SOCS6: variants seen among roughly 807,000 people sequenced by gnomAD.
SOCS6 encodes suppressor of cytokine signaling 6, also known as STAT induced STAT inhibitor-4.
Under a neutral mutation model 27.7 loss-of-function variants are expected in SOCS6, and 5 were observed. The ratio of observed to expected loss-of-function variants is 0.18; its 90% confidence interval spans 0.09 to 0.38. The LOEUF (loss-of-function observed/expected upper bound fraction) is 0.38, where lower values mean the gene tolerates loss of function less well. Ranked by LOEUF, SOCS6 falls within the 10% of genes least tolerant of loss-of-function variation. The probability of loss-of-function intolerance (pLI) is 1.00; values close to 1 mark genes in which losing one functional copy is unlikely to be tolerated. For synonymous variants in SOCS6, 271 were observed against 260.0 expected, an observed-to-expected ratio of 1.04 and a Z score of -0.41; for missense variants, 595 against 688.1, an observed-to-expected ratio of 0.86 and a Z score of 1.51.
At position 70,324,980 on chromosome 18, in the gene SOCS6, C is replaced by T; in HGVS notation, c.312C>T (p.Phe104=). The change falls in exon 2 of 2, where the codon TTC becomes TTT. Residue 104 remains phenylalanine, a synonymous_variant. Transcript: ENST00000397942. ...GGAGCTCTGCCGACGAGGACACCTTCTCCTCCTCCTCAGCACCCATAGTCT... is the reference window on the plus strand; with the variant it reads ...GGAGCTCTGCCGACGAGGACACCTTTTCCTCCTCCTCAGCACCCATAGTCT... ...PSGSSADEDT[F]SSSSAPIVFK... 5.6e-6 allele frequency: 9 copies of T among 1,613,668 alleles called. No homozygotes were observed. Among genetic ancestry groups the T allele is most frequent in the Non-Finnish European group, 7.6e-6 (9 of 1,179,742 alleles).
chr18:70,316,142 G>A (rs1200235576), intron 1 of SOCS6, among the ~76,000 whole-genome samples: 3 of 152,202 alleles, frequency 2.0e-5, no homozygotes, highest in Non-Finnish European at 2.9e-5. Context: ...GAGCCACCTC[G>A]CCCGGCTGAT....
At chr18:70,294,740 A>G (rs932415008) in intron 1 of SOCS6, among the ~76,000 whole-genome samples, 1 of 152,188 alleles carries the variant, frequency 6.6e-6, no homozygotes, top group Admixed American at 6.5e-5. Flanking sequence ...GTTAGCAGCA[A>G]TTGCCTGACC....
At position 70,321,486 on chromosome 18, in the gene SOCS6, A is replaced by ATTTTTTTT. The variant is rs765150837; in HGVS notation, c.-126-3045_-126-3038dup. Among the ~76,000 whole-genome samples the ATTTTTTTT allele has an allele frequency of 5.1e-4, 58 of 112,630 alleles. 1 individual carries two copies. Among genetic ancestry groups the ATTTTTTTT allele is most frequent in the African/African-American group, 1.8e-3 (50 of 28,106 alleles). The allele number at this position is 112,630 out of a possible 152,430, so 73.9% of individuals were successfully genotyped here. ...CAGGCACACGCCACCATGCCTGGCT[A>ATTTTTTTT]TTTTTTTTTTTTTTTTTTTGTATTT... On this transcript the variant is annotated intron_variant, in intron 1 of 1. Coordinates refer to ENST00000397942, the MANE Select transcript of SOCS6 (RefSeq NM_004232.4).
At chr18:70,323,414 G>A (rs1353193598) in intron 1 of SOCS6, among the ~76,000 whole-genome samples, 1 of 152,032 alleles carries the variant, frequency 6.6e-6, no homozygotes, top group Non-Finnish European at 1.5e-5. Context: ...TTTCAGTGTA[G>A]AACAATGTAC....
chr18:70,321,637 TTTA>T (rs1490768166), intron 1 of SOCS6, among the ~76,000 whole-genome samples: 1 of 151,854 alleles, frequency 6.6e-6, no homozygotes, highest in Non-Finnish European at 1.5e-5. Context: ...GCCTCTCGGT[TTTA>T]TTTTCTAGTA....
intron 1 of SOCS6, among the ~76,000 whole-genome samples, chr18:70,305,165 G>A (rs929145474): frequency 5.3e-5 from 8 of 151,748 alleles, no homozygotes; most frequent in Non-Finnish European, 1.0e-4. Context: ...CCGAGATCGC[G>A]CCACTGCACT....
At chr18:70,292,263 G>A (rs2062303041) in intron 1 of SOCS6, among the ~76,000 whole-genome samples, 1 of 152,214 alleles carries the variant, frequency 6.6e-6, no homozygotes, top group African/African-American at 2.4e-5. Flanking sequence ...TATGCCCTCT[G>A]AGTCTTATCT....
intron 1 of SOCS6, among the ~76,000 whole-genome samples, chr18:70,305,633 A>G (rs2062366034): frequency 6.6e-6 from 1 of 152,256 alleles, no homozygotes; most frequent in Admixed American, 6.5e-5. Context: ...GTTTGAATCT[A>G]TAGATCAATT....
intron 1 of SOCS6, among the ~76,000 whole-genome samples, chr18:70,303,033 T>C (rs148719057): frequency 4.9e-4 from 75 of 152,322 alleles, no homozygotes; most frequent in Admixed American, 4.6e-4. Flanking sequence ...ACAGGTTTTA[T>C]TCTTATAAAA....
chr18:70,326,147 G>T lies in SOCS6; in HGVS notation c.1479G>T (p.Arg493=), dbSNP rs1911200961. The change falls in exon 2 of 2, where the codon CGG becomes CGT. Residue 493 remains arginine (R), a synonymous_variant. Coordinates refer to ENST00000397942, the MANE Select transcript of SOCS6 (RefSeq NM_004232.4). The part of the protein sequence containing the change: ...YPVRLTNPVS[R]FMQVRSLQYL... ...TCAGACTGACCAACCCAGTGTCCCG[G>T]TTCATGCAGGTGCGCTCGTTGCAGT... is the stretch of plus-strand genomic sequence containing the variant. 5 of 1,614,180 alleles carry T rather than the reference G, an allele frequency of 3.1e-6. No individual in the cohort carries two copies. The highest frequency in any genetic ancestry group is 3.4e-6 in the Non-Finnish European group (4 of 1,180,038).
intron 1 of SOCS6, among the ~76,000 whole-genome samples, chr18:70,297,673 C>G (rs2062330314): frequency 6.6e-6 from 1 of 152,126 alleles, no homozygotes; most frequent in South Asian, 2.1e-4. Flanking sequence ...GTAATCTTTT[C>G]ATTTTGTAAG....
chr18:70,313,928 C>T (rs1333401648), intron 1 of SOCS6, among the ~76,000 whole-genome samples: 1 of 152,102 alleles, frequency 6.6e-6, no homozygotes, highest in Non-Finnish European at 1.5e-5. Context: ...ATTGTTTTAC[C>T]TGAGAACAAG....
intron 1 of SOCS6, among the ~76,000 whole-genome samples, chr18:70,309,442 C>T (rs1304056858): frequency 1.3e-5 from 2 of 151,966 alleles, no homozygotes; most frequent in Non-Finnish European, 2.9e-5. Context: ...TTTATTTGTT[C>T]CTCTGTTACT....
chr18:70,324,815 A>G lies in SOCS6; in HGVS notation c.147A>G (p.Lys49=), dbSNP rs1911125681. ...DDSLFGSCYG[K]DMASCDINGE... is the part of the protein sequence containing the mutation. ...CCTTATTTGGTAGCTGCTATGGTAA[A>G]GATATGGCCAGCTGCGATATCAACG... The change falls in exon 2 of 2, where the codon AAA becomes AAG. Residue 49 remains lysine, a synonymous_variant. Transcript: ENST00000397942. The G allele has an allele frequency of 6.2e-7, 1 of 1,614,108 alleles. No homozygotes were observed. The highest frequency in any genetic ancestry group is 1.3e-5 in the African/African-American group (1 of 74,944).
At chr18:70,298,201 A>G (rs1251836004) in intron 1 of SOCS6, among the ~76,000 whole-genome samples, 1 of 152,196 alleles carries the variant, frequency 6.6e-6, no homozygotes, top group African/African-American at 2.4e-5. Context: ...ACACTTTGCT[A>G]CAGTACAGAA....
chr18:70,325,513 A>T lies in SOCS6; in HGVS notation c.845A>T (p.Asp282Val). Reference sequence around the variant, plus strand: ...GTTGTCGCCCCAGAGATCTTCGTGGATCAGTCCGTGAATGGCTTGTTGATT... The same window carrying T: ...GTTGTCGCCCCAGAGATCTTCGTGGTTCAGTCCGTGAATGGCTTGTTGATT... ...DLVVAPEIFV[D>V]QSVNGLLIGT... Residue 282 changes from aspartate to valine, a missense_variant, in exon 2 of 2, where the codon GAT becomes GTT. Coordinates refer to ENST00000397942, the MANE Select transcript of SOCS6 (RefSeq NM_004232.4). This position sits in a 1 kb window ranked among gnomAD's most constrained non-coding sequence, Gnocchi z 6.3. 1 of 1,614,104 alleles carries T rather than the reference A, an allele frequency of 6.2e-7. No individual in the cohort carries two copies. Among genetic ancestry groups the T allele is most frequent in the East Asian group, 2.2e-5 (1 of 44,868 alleles).
At chr18:70,299,239 GC>G (rs2062337666) in intron 1 of SOCS6, among the ~76,000 whole-genome samples, 1 of 152,280 alleles carries the variant, frequency 6.6e-6, no homozygotes, top group Admixed American at 6.5e-5. Flanking sequence ...GTCCTCAGAT[GC>G]CAGTCACAAG....
chr18:70,305,850 G>A (rs1452966021), intron 1 of SOCS6, among the ~76,000 whole-genome samples: 28 of 152,104 alleles, frequency 1.8e-4, no homozygotes, highest in East Asian at 3.9e-4. Context: ...TGTGCTAGTC[G>A]TTTTATTGTT....
intron 1 of SOCS6, among the ~76,000 whole-genome samples, chr18:70,303,705 C>T (rs35615973): frequency 0.074 from 11,212 of 152,136 alleles, 439 homozygotes; most frequent in Non-Finnish European, 0.083. Flanking sequence ...GCAGGAGAAT[C>T]GCTTGAACCC....
Sources: allele counts gnomAD v4.1 joint callset (sites outside exome capture counted in the v4.1 genomes callset), GRCh38; gene constraint gnomAD v4.1.1; non-coding constraint Gnocchi (gnomAD v3.1); transcripts MANE v1.5; gene names NCBI Gene and HGNC (gene_info 2026-07-23, HGNC 2026-07-21).